The following MYO5B variants were observed in gnomAD, a reference collection of about 807,000 sequenced individuals.
The protein encoded by MYO5B is myosin VB, also known as unconventional myosin-Vb.
Under a neutral mutation model 229.3 loss-of-function variants are expected in MYO5B, and 143 were observed. The ratio of observed to expected loss-of-function variants is 0.62; its 90% CI spans 0.54 to 0.72. The LOEUF (loss-of-function observed/expected upper bound fraction) is 0.72. Among genes scored for constraint, MYO5B ranks in the 30% least tolerant of loss-of-function variants. The pLI is 0.00. For missense variants in MYO5B, 2,321 were observed against 2,331.0 expected (o/e 1.00, Z 0.09); for synonymous variants, 918 against 885.2 (o/e 1.04, Z -0.66).
rs1368652552 is a variant in MYO5B at position 50,048,783 on chromosome 18, G to C, written c.138+6485C>G. 3.3e-5 allele frequency among the ~76,000 whole-genome samples: 5 copies of C among 152,276 alleles called. No individual in the cohort carries two copies. In the East Asian group the frequency reaches 9.6e-4, roughly 29 times the overall value. On this transcript the variant is annotated intron_variant, in intron 2 of 39. Coordinates refer to ENST00000285039, the MANE Select transcript of MYO5B (RefSeq NM_001080467.3). ...CATGCCTGTAATCCCAGCACTTTGG[G>C]AGGCAGAGGCTGGCAGATCACCTGA...
chr18:49,964,706 T>C (rs17715451), intron 10 of MYO5B, among the ~76,000 whole-genome samples: 50,306 of 152,204 alleles, frequency 0.33, 8,953 homozygotes, highest in South Asian at 0.5. Context: ...TTGTACTTCG[T>C]GAATTGTCTG....
intron 10 of MYO5B, among the ~76,000 whole-genome samples, chr18:49,965,777 A>C (rs915511737): frequency 6.6e-6 from 1 of 152,180 alleles, no homozygotes; most frequent in East Asian, 1.9e-4. Flanking sequence ...GAGAAGTTTC[A>C]TGAAAAAGGA....
At chr18:50,143,370 G>A (rs770539379) in intron 1 of MYO5B, among the ~76,000 whole-genome samples, 3 of 152,226 alleles carry the variant, frequency 2.0e-5, no homozygotes, top group Non-Finnish European at 4.4e-5. Context: ...AGTGGAGTCA[G>A]TAGGCAGGAC....
chr18:49,930,237 C>A (rs567120136), intron 16 of MYO5B, among the ~76,000 whole-genome samples: 1 of 152,160 alleles, frequency 6.6e-6, no homozygotes, highest in Admixed American at 6.5e-5. Context: ...CCTAGCACTG[C>A]GTAGGGCACA....
chr18:49,836,972 C>A, intron 37 of MYO5B, 87 bp from the exon 38 acceptor site: 1 of 1,293,928 alleles, frequency 7.7e-7, no homozygotes, highest in South Asian at 1.3e-5. Context: ...TGCAGGCCCG[C>A]TGCAGCTAGT....
At chr18:50,174,726 T>G (rs1047768295) in intron 1 of MYO5B, among the ~76,000 whole-genome samples, 20 of 152,084 alleles carry the variant, frequency 1.3e-4, no homozygotes, top group Admixed American at 1.2e-3. Context: ...GGGGTAGCAG[T>G]GGTGTGGTAA....
intron 16 of MYO5B, among the ~76,000 whole-genome samples, chr18:49,931,936 T>C (rs1267205069): frequency 6.6e-6 from 1 of 152,188 alleles, no homozygotes; most frequent in Non-Finnish European, 1.5e-5. Context: ...GCTTCTTTCC[T>C]CTGCTCAGCA....
At chr18:49,963,077 G>C (rs1388608616) in intron 10 of MYO5B, 47 bp from the exon 11 acceptor site, 3 of 1,492,340 alleles carry the variant, frequency 2.0e-6, no homozygotes, top group Non-Finnish European at 2.8e-6. Flanking sequence ...TTCAACAAAG[G>C]AATCACTGGG....
Position 50,194,815 on chromosome 18 carries a change from G to A in MYO5B, c.-22C>T, listed in dbSNP as rs927173956. On this transcript the variant is annotated 5_prime_UTR_variant, in exon 1 of 40. Coordinates refer to ENST00000285039, the MANE Select transcript of MYO5B (RefSeq NM_001080467.3). Reference sequence around the variant, plus strand: ...ACATGGCCCGGGCCGGGCGGGGCTCGGGCCCCGGCTCCTGGCTGCCCCGCG... The same window carrying A: ...ACATGGCCCGGGCCGGGCGGGGCTCAGGCCCCGGCTCCTGGCTGCCCCGCG... 6.8e-6 allele frequency: 9 copies of A among 1,324,052 alleles called. No homozygotes were observed. In the African/African-American group the frequency reaches 1.1e-4, roughly 16 times the overall value. 82.0% of individuals were successfully genotyped at this position (1,324,052 alleles called of 1,614,324 possible). A position where few individuals can be genotyped will look rare whatever the true frequency, so the allele number is the denominator to read the frequency against.
At chr18:49,994,991 G>T (rs1212238220) in intron 5 of MYO5B, among the ~76,000 whole-genome samples, 4 of 152,120 alleles carry the variant, frequency 2.6e-5, no homozygotes, top group Non-Finnish European at 5.9e-5. Context: ...ATACTTACGG[G>T]AAAACTTAGG....
At chr18:49,847,351 G>A (rs1568607918) in intron 32 of MYO5B, 62 bp from the exon 33 acceptor site, 15 of 1,576,874 alleles carry the variant, frequency 9.5e-6, no homozygotes, top group East Asian at 2.3e-5. Context: ...TGAGGGTAGC[G>A]GGCATCTCTG....
In MYO5B at chr18:49,841,400, G is replaced by C. The variant is rs752503224; in HGVS notation, c.4666C>G (p.Leu1556Val). 27 of 1,614,228 alleles carry C rather than the reference G, an allele frequency of 1.7e-5. No homozygotes were observed. The highest frequency in any genetic ancestry group is 2.1e-5 in the Non-Finnish European group (25 of 1,180,030). The change falls in exon 35 of 40, where the codon CTT becomes GTT. Residue 1556 changes from leucine to valine, a missense_variant. By Grantham distance (32) the Leu-to-Val change is conservative. Around this residue, in one of 2 missense-constraint regions of MYO5B, gnomAD observed 2,113 missense variants for 2,044.7 expected, o/e 1.03. Coordinates refer to ENST00000285039, the MANE Select transcript of MYO5B (RefSeq NM_001080467.3). ...TSFWLSNTCRLLHCLKQYSGD... is the reference protein window; with the variant it reads ...TSFWLSNTCRVLHCLKQYSGD... ...CTGTACTGCTTCAGACAGTGAAGAA[G>C]GCGGCAGGTGTTGGATAACCAGAAT...
intron 5 of MYO5B, among the ~76,000 whole-genome samples, chr18:49,994,492 C>T (rs756700747): frequency 6.6e-6 from 1 of 152,192 alleles, no homozygotes; most frequent in Admixed American, 6.5e-5. Flanking sequence ...GTTACAGACA[C>T]AGTATATAAC....
At chr18:49,959,018 G>T (rs977198545) in intron 12 of MYO5B, among the ~76,000 whole-genome samples, 4 of 152,134 alleles carry the variant, frequency 2.6e-5, no homozygotes. Flanking sequence ...GGGTGGACAC[G>T]GCTTCTCATT....
At chr18:50,036,795 C>T (rs1220256046) in intron 4 of MYO5B, 55 bp downstream of exon 4, 1 of 1,601,454 alleles carries the variant, frequency 6.2e-7, no homozygotes, top group African/African-American at 1.3e-5. Flanking sequence ...GGTAAAAACT[C>T]CCCTTCCTGC....
chr18:50,065,746 C>T (rs2030804398), intron 1 of MYO5B, among the ~76,000 whole-genome samples: 1 of 152,128 alleles, frequency 6.6e-6, no homozygotes, highest in South Asian at 2.1e-4. Flanking sequence ...ATCAACAGCA[C>T]CGACATTCAC....
At chr18:49,854,252 AAGAC>A (rs1334892826) in intron 30 of MYO5B, among the ~76,000 whole-genome samples, 1 of 152,248 alleles carries the variant, frequency 6.6e-6, no homozygotes, top group Non-Finnish European at 1.5e-5. Flanking sequence ...AATGAAAACT[AAGAC>A]TATTTGCAAA....
chr18:49,904,577 G>C (rs2024877884), intron 20 of MYO5B, 95 bp downstream of exon 20: 5 of 1,502,750 alleles, frequency 3.3e-6, no homozygotes. Flanking sequence ...AAAAAAGTTG[G>C]GAGTGCTTGA....
chr18:49,975,833 CT>C (rs1161196596), intron 9 of MYO5B, among the ~76,000 whole-genome samples: 1 of 152,206 alleles, frequency 6.6e-6, no homozygotes, highest in Non-Finnish European at 1.5e-5. Context: ...GATGTATCTC[CT>C]GCCTACCCCA....
Sources: gnomAD v4.1 joint callset for allele counts (sites outside exome capture counted in the v4.1 genomes callset) on GRCh38, gnomAD v4.1.1 for gene constraint, gnomAD v4.1.1 regional missense constraint, MANE v1.5 for transcripts, NCBI Gene and HGNC (gene_info 2026-07-23, HGNC 2026-07-21) for gene names.